The following RGS8 variants were observed in gnomAD, a reference collection of about 807,000 sequenced individuals.
RGS8 encodes the protein regulator of G protein signaling 8, also known as regulator of G-protein signaling 8.
RGS8 carries 8 observed loss-of-function variants against 21.7 expected under a neutral mutation model. The observed-to-expected ratio is 0.37, with a 90% CI of 0.22 to 0.66. The LOEUF (loss-of-function observed/expected upper bound fraction) is 0.66. Ranked by LOEUF, RGS8 falls within the 30% of genes least tolerant of loss-of-function variation. The probability of loss-of-function intolerance (pLI) is 0.59; values close to 1 mark genes in which losing one functional copy is unlikely to be tolerated. For missense variants in RGS8, 157 were observed against 217.9 expected (o/e 0.72, Z 1.76); for synonymous variants, 80 against 83.6 (o/e 0.96, Z 0.24).
At chr1:182,687,974 T>G (rs1339119649), upstream of RGS8, among the ~76,000 whole-genome samples, 4 of 152,246 alleles carry the variant, frequency 2.6e-5, no homozygotes, top group African/African-American at 9.6e-5. Context: ...ATAGAGTTTA[T>G]GGTACATTTA....
the RGS8 span, among the ~76,000 whole-genome samples, chr1:182,748,156 C>A: frequency 7.2e-5 from 11 of 152,234 alleles, no homozygotes; most frequent in African/African-American, 2.6e-4. Context: ...ATCAAGAATA[C>A]AATATTTCAC....
chr1:182,748,288 T>A, the RGS8 span, among the ~76,000 whole-genome samples: 3 of 152,248 alleles, frequency 2.0e-5, no homozygotes, highest in Non-Finnish European at 4.4e-5. Flanking sequence ...TCTCTGCCTA[T>A]GGCAACCACC....
chr1:182,707,557 G>A, the RGS8 span, among the ~76,000 whole-genome samples: 2 of 152,208 alleles, frequency 1.3e-5, no homozygotes, highest in South Asian at 2.1e-4. Context: ...CCAATAACCC[G>A]CTAACTTGGG....
the RGS8 span, among the ~76,000 whole-genome samples, chr1:182,692,453 A>G: frequency 3.9e-5 from 6 of 152,122 alleles, no homozygotes; most frequent in African/African-American, 1.4e-4. Flanking sequence ...ATTACAAAAC[A>G]CTACTGAAAG....
At chr1:182,718,451 G>A in the RGS8 span, among the ~76,000 whole-genome samples, 1 of 152,234 alleles carries the variant, frequency 6.6e-6, no homozygotes, top group African/African-American at 2.4e-5. Flanking sequence ...CAAGGCAGTG[G>A]CAGCAAGACC....
chr1:182,714,207 C>T, the RGS8 span: 1 of 152,216 alleles, frequency 6.6e-6, no homozygotes, highest in Admixed American at 6.5e-5. Flanking sequence ...GACATCACCC[C>T]AGTTACTCTT....
the RGS8 span, among the ~76,000 whole-genome samples, chr1:182,717,177 T>G: frequency 2.0e-5 from 3 of 152,176 alleles, no homozygotes; most frequent in Non-Finnish European, 4.4e-5. Context: ...CCTGGTACAT[T>G]TTTATGCAAA....
the RGS8 span, among the ~76,000 whole-genome samples, chr1:182,734,141 G>A: frequency 7.3e-5 from 11 of 151,610 alleles, no homozygotes; most frequent in Admixed American, 3.3e-4. Flanking sequence ...GGCTGGTCTC[G>A]AACTCCTGGC....
At chr1:182,723,003 AAAAT>A in the RGS8 span, among the ~76,000 whole-genome samples, 5 of 151,480 alleles carry the variant, frequency 3.3e-5, no homozygotes, top group East Asian at 1.9e-4. Context: ...AATAAAAATA[AAAAT>A]AAATAAATAA....
intron 5 of RGS8, among the ~76,000 whole-genome samples, chr1:182,661,425 G>A (rs1334479740): frequency 2.0e-5 from 3 of 151,792 alleles, no homozygotes; most frequent in African/African-American, 7.3e-5. Context: ...TGAGAGGAAA[G>A]GTGAGGGAAC....
the RGS8 span, among the ~76,000 whole-genome samples, chr1:182,744,562 T>C: frequency 6.6e-6 from 1 of 152,258 alleles, no homozygotes; most frequent in Non-Finnish European, 1.5e-5. Flanking sequence ...GACATAGCCA[T>C]TGTAACGTTG....
At chr1:182,643,155 G>A (rs1662540086), downstream of RGS8, 1 of 152,194 alleles carries the variant, frequency 6.6e-6, no homozygotes, top group Non-Finnish European at 1.5e-5. Context: ...CACTCAGCTT[G>A]GGCCAAAACA....
the RGS8 span, among the ~76,000 whole-genome samples, chr1:182,713,328 C>T: frequency 6.6e-5 from 10 of 151,942 alleles, no homozygotes; most frequent in Non-Finnish European, 1.0e-4. Context: ...GGATTACAGG[C>T]GCATGCCACC....
the RGS8 span, among the ~76,000 whole-genome samples, chr1:182,692,357 T>C: frequency 3.9e-5 from 6 of 151,934 alleles, no homozygotes; most frequent in South Asian, 1.2e-3. Flanking sequence ...AAATCAACAA[T>C]GCAATCCCAT....
the RGS8 span, among the ~76,000 whole-genome samples, chr1:182,717,465 C>A: frequency 2.0e-5 from 3 of 152,216 alleles, no homozygotes; most frequent in Non-Finnish European, 4.4e-5. Flanking sequence ...GATGACACAG[C>A]TAACCTTAGC....
intron 5 of RGS8, among the ~76,000 whole-genome samples, chr1:182,658,193 T>C (rs1663378467): frequency 1.3e-5 from 2 of 152,210 alleles, no homozygotes; most frequent in South Asian, 2.1e-4. Flanking sequence ...ATGCTGCCTG[T>C]GGCTGGCTTT....
chr1:182,694,211 G>A, the RGS8 span, among the ~76,000 whole-genome samples: 3 of 151,846 alleles, frequency 2.0e-5, no homozygotes, highest in Non-Finnish European at 4.4e-5. Flanking sequence ...CCTCAGGATG[G>A]TAAATTTTTT....
the RGS8 span, among the ~76,000 whole-genome samples, chr1:182,747,830 C>T: frequency 4.4e-3 from 641 of 146,122 alleles, 6 homozygotes; most frequent in African/African-American, 0.015. Context: ...GGCGGAACCC[C>T]GTCTCTACTA....
the RGS8 span, among the ~76,000 whole-genome samples, chr1:182,710,419 A>AC: frequency 6.6e-6 from 1 of 151,802 alleles, no homozygotes; most frequent in African/African-American, 2.4e-5. Flanking sequence ...CCTGAGCATA[A>AC]CCCCCTATGG....
Sources: gnomAD v4.1 joint callset for allele counts (sites outside exome capture counted in the v4.1 genomes callset) on GRCh38, gnomAD v4.1.1 for gene constraint, MANE v1.5 for transcripts, NCBI Gene and HGNC (gene_info 2026-07-23, HGNC 2026-07-21) for gene names.